MFAP1: variants seen among roughly 807,000 people sequenced by gnomAD.
MFAP1 encodes microfibril associated protein 1.
Under a neutral mutation model 62.2 loss-of-function variants are expected in MFAP1, and 18 were observed. The observed-to-expected ratio is 0.29, with a 90% CI of 0.20 to 0.43. MFAP1 has a LOEUF of 0.43. MFAP1 is among the 20% of genes least tolerant of loss of function. The probability of loss-of-function intolerance (pLI) is 1.00; values close to 1 mark genes in which losing one functional copy is unlikely to be tolerated. For missense variants in MFAP1, 355 were observed against 559.7 expected, an observed-to-expected ratio of 0.63 and a Z score of 3.69; for synonymous variants, 175 against 180.4, an observed-to-expected ratio of 0.97 and a Z score of 0.24.
Position 43,805,371 on chromosome 15 carries a change from C to A in MFAP1, c.1137+5G>T, listed in dbSNP as rs2087356342. Reference sequence around the variant, plus strand: ...TCTCTGTCATGTTATTAAGGTTCCCCATACCTGCATGACTTTAGGAAGAAT... The same window carrying A: ...TCTCTGTCATGTTATTAAGGTTCCCAATACCTGCATGACTTTAGGAAGAAT... On this transcript the variant is annotated splice_donor_5th_base_variant and intron_variant, in intron 8 of 8. Coordinates refer to ENST00000267812, the MANE Select transcript of MFAP1 (RefSeq NM_005926.3). 1 of 1,610,090 alleles carries A rather than the reference C, an allele frequency of 6.2e-7. No individual in the cohort carries two copies. The highest frequency in any genetic ancestry group is 1.7e-5 in the Admixed American group (1 of 58,870).
chr15:43,812,187 T>TC (rs2087405985), intron 6 of MFAP1, among the ~76,000 whole-genome samples: 1 of 140,034 alleles, frequency 7.1e-6, no homozygotes, highest in Admixed American at 7.1e-5. Context: ...AAACTTCATG[T>TC]CAAAAAAAAA....
In MFAP1 at chr15:43,817,253, C is replaced by T. The variant is rs767505258; in HGVS notation, c.275G>A (p.Arg92His). The T allele has an allele frequency of 1.9e-6, 3 of 1,613,788 alleles. No homozygotes were observed. Among genetic ancestry groups the T allele is most frequent in the South Asian group, 1.1e-5 (1 of 91,066 alleles). Residue 92 changes from arginine to histidine, a missense_variant, in exon 2 of 9, where the codon CGT (arginine) becomes CAT (histidine). Arg to His is a conservative substitution (Grantham distance 29, BLOSUM62 0). Coordinates refer to ENST00000267812, the MANE Select transcript of MFAP1 (RefSeq NM_005926.3). ...SDPRLRRLQNRISEDVEERLA... is the reference protein window; with the variant it reads ...SDPRLRRLQNHISEDVEERLA... ...CCTCTCTTCCACATCTTCACTAATA[C>T]GGTTCTGTAAACGCCGTAGCCGGGG... is the stretch of plus-strand genomic sequence containing the variant.
chr15:43,812,379 G>A (rs1274672566), intron 6 of MFAP1, among the ~76,000 whole-genome samples: 1 of 152,026 alleles, frequency 6.6e-6, no homozygotes, highest in Non-Finnish European at 1.5e-5. Flanking sequence ...ACCAGTATGT[G>A]GCAAGATCGA....
At chr15:43,807,491 G>A (rs1053014969) in intron 7 of MFAP1, among the ~76,000 whole-genome samples, 13 of 151,246 alleles carry the variant, frequency 8.6e-5, no homozygotes, top group African/African-American at 3.2e-4. Flanking sequence ...TGTGACTACA[G>A]GCGCCCGCCA....
rs1352905262 is a variant in MFAP1, at chr15:43,813,450, CA to C, written c.618-94del. 5 of 1,182,832 alleles carry C rather than the reference CA, an allele frequency of 4.2e-6. No homozygotes were observed. The African/African-American group carries it at 7.9e-5, about 19-fold the overall frequency. 73.3% of individuals were successfully genotyped at this position (1,182,832 alleles called of 1,614,324 possible). On this transcript the variant is annotated intron_variant, in intron 4 of 8. Coordinates refer to ENST00000267812, the MANE Select transcript of MFAP1 (RefSeq NM_005926.3). ...AGTCCCATCCAAATCAGACAAAAAC[CA>C]AACAATCTTTGGCTCTATTATTTTC...
At chr15:43,822,580 G>C (rs1446029870) in intron 1 of MFAP1, among the ~76,000 whole-genome samples, 2 of 151,954 alleles carry the variant, frequency 1.3e-5, no homozygotes, top group Non-Finnish European at 2.9e-5. Context: ...CACCATGTTG[G>C]CCAGGCTGGT....
chr15:43,817,527 G>T, intron 1 of MFAP1, 79 bp from the exon 2 acceptor site: 1 of 1,390,472 alleles, frequency 7.2e-7, no homozygotes, highest in Non-Finnish European at 1.0e-6. Flanking sequence ...TGCAAATAGA[G>T]CCCTTTATTC....
chr15:43,818,241 G>A (rs184721400), intron 1 of MFAP1, among the ~76,000 whole-genome samples: 7 of 151,792 alleles, frequency 4.6e-5, no homozygotes, highest in African/African-American at 1.2e-4. Context: ...TGATGGTCTC[G>A]ATCTCCTGAC....
At chr15:43,820,306 G>A (rs2087459831) in intron 1 of MFAP1, among the ~76,000 whole-genome samples, 1 of 152,100 alleles carries the variant, frequency 6.6e-6, no homozygotes, top group Non-Finnish European at 1.5e-5. Flanking sequence ...GACAGGGTAA[G>A]ACTCCATCTC....
At chr15:43,823,930 T>C (rs932478680) in intron 1 of MFAP1, among the ~76,000 whole-genome samples, 1 of 152,126 alleles carries the variant, frequency 6.6e-6, no homozygotes, top group African/African-American at 2.4e-5. Flanking sequence ...CAGACTTCTA[T>C]GGACAGCAAA....
chr15:43,819,900 C>G (rs896391371), intron 1 of MFAP1, among the ~76,000 whole-genome samples: 1 of 152,224 alleles, frequency 6.6e-6, no homozygotes, highest in African/African-American at 2.4e-5. Flanking sequence ...GTAATCCCAG[C>G]ACTCTGGGAG....
At chr15:43,816,839 G>A (rs753747284) in intron 2 of MFAP1, among the ~76,000 whole-genome samples, 18 of 152,018 alleles carry the variant, frequency 1.2e-4, no homozygotes, top group Non-Finnish European at 1.6e-4. Context: ...CCCCTTATTA[G>A]CATTTAGAAT....
At chr15:43,811,141 G>A (rs902793412) in intron 6 of MFAP1, among the ~76,000 whole-genome samples, 20 of 150,942 alleles carry the variant, frequency 1.3e-4, no homozygotes, top group South Asian at 2.1e-4. Flanking sequence ...AGGGCCAGGC[G>A]TGGTGGCTCA....
chr15:43,823,273 A>C (rs532794198), intron 1 of MFAP1, among the ~76,000 whole-genome samples: 4 of 152,148 alleles, frequency 2.6e-5, no homozygotes, highest in Non-Finnish European at 5.9e-5. Flanking sequence ...GGTGTAAGCC[A>C]CTGTGCTCCA....
At chr15:43,813,914 G>T (rs943346329) in intron 4 of MFAP1, among the ~76,000 whole-genome samples, 2 of 152,138 alleles carry the variant, frequency 1.3e-5, no homozygotes, top group Admixed American at 1.3e-4. Flanking sequence ...TAGCCATCAG[G>T]AAAGGAATAG....
intron 1 of MFAP1, among the ~76,000 whole-genome samples, chr15:43,820,754 C>A (rs557530803): frequency 6.6e-6 from 1 of 151,836 alleles, no homozygotes; most frequent in Non-Finnish European, 1.5e-5. Context: ...TACAGGCGTG[C>A]AACACCATGC....
At chr15:43,810,303 A>G (rs990043074) in intron 6 of MFAP1, among the ~76,000 whole-genome samples, 1 of 151,056 alleles carries the variant, frequency 6.6e-6, no homozygotes, top group Non-Finnish European at 1.5e-5. Flanking sequence ...TCATAATCAT[A>G]TAGGTGCTTG....
rs1269565126 is a variant in MFAP1, at chr15:43,804,919, A to G, written c.*175T>C. On this transcript the variant is annotated 3_prime_UTR_variant, in exon 9 of 9. Coordinates refer to ENST00000267812, the MANE Select transcript of MFAP1 (RefSeq NM_005926.3). ...AGTGCTTTCCTGTGGGTTTCTCAGC[A>G]TGAGTCCAAACCTCACAAAGCACCT... 53 of 599,928 alleles carry G rather than the reference A, an allele frequency of 8.8e-5. No homozygotes were observed. In the Admixed American group the frequency reaches 1.4e-3, roughly 16 times the overall value. The allele number at this position is 599,928 out of a possible 1,614,324, so 37.2% of individuals were successfully genotyped here.
chr15:43,808,937 G>A (rs772078244), intron 7 of MFAP1, among the ~76,000 whole-genome samples: 5 of 152,176 alleles, frequency 3.3e-5, no homozygotes, highest in East Asian at 3.8e-4. Context: ...CAAAGATGAC[G>A]GCATTCCATC....
Sources: gnomAD v4.1 joint callset for allele counts (sites outside exome capture counted in the v4.1 genomes callset) on GRCh38, gnomAD v4.1.1 for gene constraint, MANE v1.5 for transcripts, NCBI Gene and HGNC (gene_info 2026-07-23, HGNC 2026-07-21) for gene names.